The following PRUNE2 variants were observed in gnomAD, a reference collection of about 807,000 sequenced individuals.
PRUNE2 encodes the protein prune homolog 2 with BCH domain, also known as protein prune homolog 2.
A neutral mutation model predicts 252.0 loss-of-function variants in PRUNE2; 164 were observed. That is an observed-to-expected ratio of 0.65 (90% CI 0.57 to 0.74). The LOEUF (loss-of-function observed/expected upper bound fraction) is 0.74. Ranked by LOEUF, PRUNE2 falls within the 30% of genes least tolerant of loss-of-function variation. PRUNE2 has a pLI of 0.00. For synonymous variants in PRUNE2, 1,292 were observed against 1,350.2 expected (o/e 0.96, Z 0.94); for missense variants, 3,495 against 3,711.0 (o/e 0.94, Z 1.51).
rs752129973 is a variant in PRUNE2 at position 76,705,418 on chromosome 9, G to T, written c.6856C>A (p.Leu2286Ile). The change falls in exon 8 of 19, where the codon CTA (leucine) becomes ATA (isoleucine). Residue 2286 changes from leucine to isoleucine, a missense_variant. Coordinates refer to ENST00000376718, the MANE Select transcript of PRUNE2 (RefSeq NM_015225.3). ...ENPALVPDAL[L>I]ASDTCLDISE... ...ATATCCAGACAAGTGTCTGAGGCTA[G>T]CAAAGCATCAGGAACCAAGGCAGGA... The T allele has an allele frequency of 1.9e-6, 3 of 1,613,998 alleles. No homozygotes were observed. The highest frequency in any genetic ancestry group is 2.2e-5 in the South Asian group (2 of 91,084).
rs148688459 is a variant in PRUNE2 at position 76,794,044 on chromosome 9, T to G, written c.756+29588A>C. The stretch of plus-strand genomic sequence containing the variant: ...TTGCTTTGTCTGAAGCCAAGCAGGT[T>G]TTTTTTATTGTTTTAATAAGGCCTA... On this transcript the variant is annotated intron_variant, in intron 6 of 18. Transcript: ENST00000376718. 5.2e-3 allele frequency among the ~76,000 whole-genome samples: 791 copies of G among 152,268 alleles called. 7 individuals carry two copies. The highest frequency in any genetic ancestry group is 0.018 in the African/African-American group (740 of 41,550).
chr9:76,688,529 T>C (rs537290121), intron 9 of PRUNE2, among the ~76,000 whole-genome samples: 1 of 152,316 alleles, frequency 6.6e-6, no homozygotes, highest in East Asian at 1.9e-4. Context: ...ACCTCCCCAG[T>C]AGGTTCTCAT....
intron 6 of PRUNE2, among the ~76,000 whole-genome samples, chr9:76,758,212 C>T (rs909083173): frequency 9.9e-5 from 15 of 152,140 alleles, no homozygotes; most frequent in African/African-American, 2.9e-4. Context: ...ACAGTATTAA[C>T]GCATAAAACT....
chr9:76,802,258 C>T (rs898077874), intron 6 of PRUNE2, among the ~76,000 whole-genome samples: 5 of 152,062 alleles, frequency 3.3e-5, no homozygotes, highest in Non-Finnish European at 7.4e-5. Flanking sequence ...GACCCCTTGG[C>T]GATTTATTTT....
intron 6 of PRUNE2, among the ~76,000 whole-genome samples, chr9:76,752,377 G>A (rs7850155): frequency 0.66 from 99,588 of 151,718 alleles, 33,267 homozygotes; most frequent in East Asian, 0.83. Flanking sequence ...GATTACAGGC[G>A]TGAGCCACCG....
At chr9:76,890,228 G>T (rs1385493108) in intron 1 of PRUNE2, among the ~76,000 whole-genome samples, 1 of 152,184 alleles carries the variant, frequency 6.6e-6, no homozygotes, top group East Asian at 1.9e-4. Context: ...GACGGTGAAG[G>T]TCAAATAACA....
At chr9:76,752,382 C>T (rs1244329095) in intron 6 of PRUNE2, among the ~76,000 whole-genome samples, 3 of 152,160 alleles carry the variant, frequency 2.0e-5, no homozygotes, top group Non-Finnish European at 4.4e-5. Flanking sequence ...CAGGCGTGAG[C>T]CACCGCGCCC....
intron 6 of PRUNE2, among the ~76,000 whole-genome samples, chr9:76,812,503 T>G (rs576986815): frequency 2.0e-5 from 3 of 152,246 alleles, no homozygotes; most frequent in African/African-American, 7.2e-5. Context: ...AAATCACAAT[T>G]CCTTTGTTTT....
intron 1 of PRUNE2, among the ~76,000 whole-genome samples, chr9:76,896,355 T>A (rs1271152301): frequency 6.6e-6 from 1 of 152,220 alleles, no homozygotes; most frequent in Non-Finnish European, 1.5e-5. Context: ...TAGGGAATTT[T>A]CCTGTGAGAA....
chr9:76,851,621 T>C (rs187355088), intron 2 of PRUNE2, among the ~76,000 whole-genome samples: 2 of 152,042 alleles, frequency 1.3e-5, no homozygotes, highest in African/African-American at 4.8e-5. Flanking sequence ...GGGGTATTAT[T>C]TGTGAAATTT....
intron 9 of PRUNE2, among the ~76,000 whole-genome samples, chr9:76,698,949 G>A (rs1192218793): frequency 6.6e-6 from 1 of 152,112 alleles, no homozygotes; most frequent in Non-Finnish European, 1.5e-5. Context: ...ACAAGATACA[G>A]CTCCACAAGT....
chr9:76,683,088 C>T (rs887121000), intron 9 of PRUNE2, among the ~76,000 whole-genome samples: 2 of 152,242 alleles, frequency 1.3e-5, no homozygotes, highest in East Asian at 1.9e-4. Context: ...ATTTCTGCAT[C>T]ACACTAAGTC....
At chr9:76,904,314 G>A (rs1032282894) in intron 1 of PRUNE2, among the ~76,000 whole-genome samples, 14 of 151,898 alleles carry the variant, frequency 9.2e-5, no homozygotes, top group Non-Finnish European at 1.3e-4. Context: ...CTCATTACTC[G>A]GAAATAGGGA....
intron 1 of PRUNE2, among the ~76,000 whole-genome samples, chr9:76,884,918 G>A (rs144288144): frequency 1.2e-4 from 19 of 152,280 alleles, no homozygotes; most frequent in Non-Finnish European, 2.5e-4. Flanking sequence ...CTTTTTCCAT[G>A]ACATATTTCT....
intron 16 of PRUNE2, among the ~76,000 whole-genome samples, 191 bp downstream of exon 16, chr9:76,629,001 G>A (rs1004314505): frequency 1.3e-5 from 2 of 151,930 alleles, no homozygotes; most frequent in Non-Finnish European, 2.9e-5. Flanking sequence ...ATGCCATCAC[G>A]CCTGGCTAAT....
intron 6 of PRUNE2, among the ~76,000 whole-genome samples, chr9:76,771,960 T>C (rs891411138): frequency 6.6e-6 from 1 of 152,064 alleles, no homozygotes; most frequent in Non-Finnish European, 1.5e-5. Context: ...ACTCAGTGGG[T>C]TCATGAAGAT....
At chr9:76,637,693 T>C in intron 13 of PRUNE2, 144 bp from the exon 14 acceptor site, 2 of 671,062 alleles carry the variant, frequency 3.0e-6, no homozygotes, top group Non-Finnish European at 4.9e-6. Context: ...TACAATTACC[T>C]AAGAGCATTC....
chr9:76,770,136 C>T (rs2052928844), intron 6 of PRUNE2, among the ~76,000 whole-genome samples: 1 of 152,134 alleles, frequency 6.6e-6, no homozygotes, highest in Non-Finnish European at 1.5e-5. Context: ...ACTAAAAACT[C>T]ATTTTTGTTA....
chr9:76,694,186 T>G (rs535316986), intron 9 of PRUNE2, among the ~76,000 whole-genome samples: 2,047 of 152,184 alleles, frequency 0.013, 40 homozygotes, highest in African/African-American at 0.046. Context: ...TTTCGTTTTT[T>G]TTTTGAGACG....
Sources: gnomAD v4.1 joint callset for allele counts (sites outside exome capture counted in the v4.1 genomes callset) on GRCh38, gnomAD v4.1.1 for gene constraint, MANE v1.5 for transcripts, NCBI Gene and HGNC (gene_info 2026-07-23, HGNC 2026-07-21) for gene names.